Variants in RFC5 observed in about 807,000 individuals in gnomAD.
The protein encoded by RFC5 is replication factor C subunit 5, also known as A1 36 kDa subunit.
RFC5 carries 26 observed loss-of-function variants against 44.3 expected under a neutral mutation model. The ratio of observed to expected loss-of-function variants is 0.59; its 90% CI spans 0.43 to 0.81. RFC5 has a LOEUF of 0.81. Among genes scored for constraint, RFC5 ranks in the 40% least tolerant of loss-of-function variants. The probability of loss-of-function intolerance (pLI) is 0.00; values close to 1 mark genes in which losing one functional copy is unlikely to be tolerated. For synonymous variants in RFC5, 155 were observed against 155.2 expected (o/e 1.00, Z 0.01); for missense variants, 328 against 418.6 (o/e 0.78, Z 1.89).
intron 5 of RFC5, among the ~76,000 whole-genome samples, chr12:118,024,210 A>G (rs1211455922): frequency 2.6e-5 from 4 of 151,576 alleles, no homozygotes; most frequent in African/African-American, 4.8e-5. Context: ...GCGTGGTGGC[A>G]CGTGTCTGTA....
At chr12:118,034,482 C>G, downstream of RFC5, 1 of 1,172,420 alleles carries the variant, frequency 8.5e-7, no homozygotes. Flanking sequence ...AAATGTAACC[C>G]TGACTGTGGA....
downstream of RFC5, chr12:118,036,553 G>A (rs779367800): frequency 1.3e-6 from 2 of 1,560,364 alleles, no homozygotes; most frequent in Non-Finnish European, 1.7e-6. Flanking sequence ...GAAGCAAAGT[G>A]CTTAGGACTC....
downstream of RFC5, chr12:118,032,800 C>T (rs934565246): frequency 5.9e-5 from 9 of 152,270 alleles, no homozygotes; most frequent in Non-Finnish European, 1.0e-4. Context: ...ACCTCAGCCT[C>T]CCAAAGTGCT....
Position 118,019,070 on chromosome 12 carries a change from A to T in RFC5, c.66-2A>T. ...CATAATACATACTAAATTGTATTTC[A>T]GGGTTGAAAAATACCGGCCACAGAC... On this transcript the variant is annotated splice_acceptor_variant, in intron 1 of 10. Transcript: ENST00000454402. LOFTEE classifies it high-confidence loss of function. The surrounding 1 kb of genome is among the most constrained non-coding windows in gnomAD (Gnocchi z 4.2). 6.3e-7 allele frequency: 1 copy of T among 1,599,384 alleles called. No individual in the cohort carries two copies. The highest frequency in any genetic ancestry group is 8.6e-7 in the Non-Finnish European group (1 of 1,166,708).
downstream of RFC5, among the ~76,000 whole-genome samples, chr12:118,037,404 C>T (rs374117858): frequency 2.0e-5 from 3 of 151,970 alleles, no homozygotes; most frequent in Non-Finnish European, 4.4e-5. Flanking sequence ...CGGTGGCTCA[C>T]GCCTGCAATC....
At chr12:118,024,768 C>A in intron 5 of RFC5, 83 bp from the exon 6 acceptor site, 1 of 1,200,250 alleles carries the variant, frequency 8.3e-7, no homozygotes, top group Non-Finnish European at 1.2e-6. Context: ...ACCCTTGTGA[C>A]CACAGAAAAA....
At chr12:118,037,214 G>A (rs80173055), downstream of RFC5, among the ~76,000 whole-genome samples, 1,965 of 151,854 alleles carry the variant, frequency 0.013, 39 homozygotes, top group African/African-American at 0.046. Context: ...TGAAATCTGC[G>A]GCCACCCCAC....
intron 9 of RFC5, 23 bp from the exon 10 acceptor site, chr12:118,029,748 A>G (rs4767654): frequency 0.41 from 625,911 of 1,543,548 alleles, 130,679 homozygotes; most frequent in East Asian, 0.57. Flanking sequence ...GACCTAACTC[A>G]TTTGATTTTG....
chr12:118,025,039 G>A, intron 6 of RFC5, 29 bp downstream of exon 6: 1 of 1,602,504 alleles, frequency 6.2e-7, no homozygotes, highest in Non-Finnish European at 8.5e-7. Context: ...TTTGGGGATG[G>A]AGTGTAGTAG....
At chr12:118,034,724 T>C (rs2137759133), downstream of RFC5, 1 of 532,168 alleles carries the variant, frequency 1.9e-6, no homozygotes, top group East Asian at 3.2e-5. Flanking sequence ...ATATTATGCA[T>C]CATCTCAATT....
At chr12:118,025,875 GT>G in intron 7 of RFC5, 47 bp downstream of exon 7, 2 of 1,128,116 alleles carry the variant, frequency 1.8e-6, no homozygotes, top group Non-Finnish European at 2.6e-6. Flanking sequence ...TTGAGACAGA[GT>G]CTTGCTCTGT....
At chr12:118,025,715 C>A in intron 6 of RFC5, 32 bp from the exon 7 acceptor site, 1 of 1,266,624 alleles carries the variant, frequency 7.9e-7, no homozygotes, top group Non-Finnish European at 1.2e-6. Context: ...TCTCAGGGGG[C>A]CTCATAAATC....
chr12:118,038,744 G>A, the RFC5 span, among the ~76,000 whole-genome samples: 3 of 152,064 alleles, frequency 2.0e-5, no homozygotes, highest in Non-Finnish European at 4.4e-5. Context: ...ACAGTGGCGC[G>A]ATCTCAGCTC....
intron 5 of RFC5, among the ~76,000 whole-genome samples, chr12:118,023,853 A>AATCATGGCAAAAGTGCCAGT (rs1290126766): frequency 3.3e-5 from 5 of 152,086 alleles, no homozygotes; most frequent in Non-Finnish European, 7.4e-5. Flanking sequence ...AAAGTGCCAG[A>AATCATGGCAAAAGTGCCAGT]ATCATGGCAA....
intron 1 of RFC5, 122 bp downstream of exon 1, chr12:118,017,014 G>A: frequency 1.3e-6 from 1 of 795,414 alleles, no homozygotes; most frequent in Non-Finnish European, 2.1e-6. Context: ...CTCCAGGCCT[G>A]CAGCCGGGAC....
intron 10 of RFC5, 23 bp downstream of exon 10, chr12:118,029,848 T>C (rs1445546863): frequency 6.5e-7 from 1 of 1,528,632 alleles, no homozygotes; most frequent in Admixed American, 1.7e-5. Context: ...TGCCCCAGTT[T>C]TAATTCTTTT....
downstream of RFC5, chr12:118,036,221 T>A (rs936132743): frequency 2.3e-6 from 3 of 1,285,124 alleles, no homozygotes; most frequent in Non-Finnish European, 3.2e-6. Flanking sequence ...CCACTGTGCC[T>A]TTTTATCCAG....
rs5745810 is a variant in RFC5, at chr12:118,018,981, G to A, written c.66-91G>A. On this transcript the variant is annotated intron_variant, in intron 1 of 10. Transcript: ENST00000454402. Reference sequence around the variant, plus strand: ...CCCAAAGTGCTGGGATTACAGGCATGAGCCACTGTGCCTGACCTGCAAGGA... The same window carrying A: ...CCCAAAGTGCTGGGATTACAGGCATAAGCCACTGTGCCTGACCTGCAAGGA... 4.6e-4 allele frequency: 445 copies of A among 965,524 alleles called. 2 individuals are homozygous for A. The East Asian group carries it at 8.6e-3, about 19-fold the overall frequency. The allele number at this position is 965,524 out of a possible 1,614,324, so 59.8% of individuals were successfully genotyped here.
chr12:118,024,705 C>A, intron 5 of RFC5, 146 bp from the exon 6 acceptor site: 1 of 675,032 alleles, frequency 1.5e-6, no homozygotes. Flanking sequence ...GCCACTAAGC[C>A]ACTACGCCCG....
Sources: gnomAD v4.1 joint callset for allele counts (sites outside exome capture counted in the v4.1 genomes callset) on GRCh38, gnomAD v4.1.1 for gene constraint, Gnocchi (gnomAD v3.1) non-coding constraint, MANE v1.5 for transcripts, NCBI Gene and HGNC (gene_info 2026-07-23, HGNC 2026-07-21) for gene names.